Variants in SERGEF observed in about 807,000 individuals in gnomAD.
SERGEF encodes secretion regulating guanine nucleotide exchange factor, also known as secretion-regulating guanine nucleotide exchange factor.
A neutral mutation model predicts 50.0 loss-of-function variants in SERGEF; 51 were observed. The ratio of observed to expected loss-of-function variants is 1.02; its 90% CI spans 0.81 to 1.29. The LOEUF is 1.29. Among genes scored for constraint, SERGEF ranks in the 50% most tolerant of loss-of-function variants. SERGEF has a pLI of 0.00. For synonymous variants in SERGEF, 205 were observed against 212.4 expected, an observed-to-expected ratio of 0.97 and a Z score of 0.30; for missense variants, 521 against 557.0, an observed-to-expected ratio of 0.94 and a Z score of 0.65.
intron 9 of SERGEF, among the ~76,000 whole-genome samples, chr11:17,907,236 G>T (rs1851864591): frequency 6.6e-6 from 1 of 150,670 alleles, no homozygotes; most frequent in South Asian, 2.1e-4. Flanking sequence ...TCCCCATTCT[G>T]GTCCCAGTTC....
intron 9 of SERGEF, among the ~76,000 whole-genome samples, chr11:17,920,523 A>T (rs911184295): frequency 1.3e-5 from 2 of 152,214 alleles, no homozygotes; most frequent in Non-Finnish European, 2.9e-5. Context: ...CATTTTATAG[A>T]TGAGAAAACT....
intron 9 of SERGEF, among the ~76,000 whole-genome samples, chr11:17,943,819 TTG>T (rs1852604486): frequency 6.6e-6 from 1 of 152,230 alleles, no homozygotes; most frequent in Non-Finnish European, 1.5e-5. Flanking sequence ...TAGATAAAAG[TTG>T]AAAGAACCAC....
intron 9 of SERGEF, among the ~76,000 whole-genome samples, chr11:17,940,594 C>T (rs1286611839): frequency 1.3e-5 from 2 of 152,118 alleles, no homozygotes; most frequent in East Asian, 1.9e-4. Context: ...GTCTTTTTTT[C>T]TCTCTCTCTC....
chr11:17,880,309 C>A (rs1468677930), intron 9 of SERGEF, among the ~76,000 whole-genome samples: 1 of 152,192 alleles, frequency 6.6e-6, no homozygotes, highest in African/African-American at 2.4e-5. Flanking sequence ...TATATGCTTC[C>A]TGGCTGTAAT....
chr11:17,900,913 A>C (rs1269787258), intron 9 of SERGEF, among the ~76,000 whole-genome samples: 1 of 152,182 alleles, frequency 6.6e-6, no homozygotes, highest in Non-Finnish European at 1.5e-5. Context: ...AGAGAAGGGG[A>C]CCAGGAATGG....
At chr11:17,945,764 T>C (rs185179713) in intron 9 of SERGEF, among the ~76,000 whole-genome samples, 6 of 152,104 alleles carry the variant, frequency 3.9e-5, no homozygotes, top group African/African-American at 1.4e-4. Flanking sequence ...CTGACCAACA[T>C]GGAGAAACCC....
At chr11:17,922,766 G>A (rs530228522) in intron 9 of SERGEF, among the ~76,000 whole-genome samples, 2 of 152,194 alleles carry the variant, frequency 1.3e-5, no homozygotes, top group South Asian at 4.2e-4. Context: ...TAGATTCATG[G>A]GGTTTCTGTG....
chr11:17,799,898 G>A (rs1396841984), intron 10 of SERGEF, among the ~76,000 whole-genome samples: 2 of 152,212 alleles, frequency 1.3e-5, no homozygotes, highest in Admixed American at 6.5e-5. Context: ...CCCAAGTGCT[G>A]GGTTAGAGAG....
rs1853740413 is a variant in SERGEF at position 17,992,645 on chromosome 11, T to C, written c.685+286A>G. On this transcript the variant is annotated intron_variant, in intron 7 of 10. Transcript: ENST00000265965. ...GAGGAAGACATTATTATCCTTATTGTATAGTTAAGAAAGCAAACTCAGACG... is the reference window on the plus strand; with the variant it reads ...GAGGAAGACATTATTATCCTTATTGCATAGTTAAGAAAGCAAACTCAGACG... Among the ~76,000 whole-genome samples the C allele has an allele frequency of 3.3e-5, 5 of 152,336 alleles. No homozygotes were observed. In the South Asian group the frequency reaches 1.0e-3, roughly 32 times the overall value.
intron 9 of SERGEF, among the ~76,000 whole-genome samples, chr11:17,912,627 C>T (rs555449857): frequency 2.6e-5 from 4 of 152,246 alleles, no homozygotes; most frequent in South Asian, 4.2e-4. Context: ...TTTTAATCTT[C>T]GAATAATCCT....
intron 10 of SERGEF, among the ~76,000 whole-genome samples, chr11:17,800,173 A>AT (rs1849643216): frequency 6.6e-6 from 1 of 152,088 alleles, no homozygotes; most frequent in Admixed American, 6.5e-5. Flanking sequence ...TAAATAGACT[A>AT]TTTTTTAAGA....
At chr11:17,919,640 G>A (rs1266753596) in intron 9 of SERGEF, among the ~76,000 whole-genome samples, 1 of 152,066 alleles carries the variant, frequency 6.6e-6, no homozygotes, top group Non-Finnish European at 1.5e-5. Flanking sequence ...TTATCTCCCT[G>A]AACTCATCCT....
At chr11:17,922,680 C>A (rs577158156) in intron 9 of SERGEF, among the ~76,000 whole-genome samples, 1 of 152,216 alleles carries the variant, frequency 6.6e-6, no homozygotes, top group South Asian at 2.1e-4. Flanking sequence ...TGGAATCATA[C>A]CTGGCTTCAA....
At position 17,884,728 on chromosome 11, in the gene SERGEF, T is replaced by C. The variant is rs1188578421; in HGVS notation, c.1012-6484A>G. On this transcript the variant is annotated intron_variant, in intron 9 of 10. Coordinates refer to ENST00000265965, the MANE Select transcript of SERGEF (RefSeq NM_012139.4). This position sits in a 1 kb window ranked among gnomAD's most constrained non-coding sequence, Gnocchi z 4.6. ...GTATTTTATTTCATATATATGTGTA[T>C]ATGTTATATATACATTTTTAAAAAA... 6.6e-6 allele frequency among the ~76,000 whole-genome samples: 1 copy of C among 152,172 alleles called. No individual in the cohort carries two copies. The highest frequency in any genetic ancestry group is 1.5e-5 in the Non-Finnish European group (1 of 68,026).
In SERGEF at chr11:17,988,662, T is replaced by C. The variant is rs1158372045; in HGVS notation, c.779A>G (p.His260Arg). ...FLPVPQKIEAHCFQNEKVTAI... is the reference protein window; with the variant it reads ...FLPVPQKIEARCFQNEKVTAI... ...AGTGACCTTTTCATTCTGGAAACAA[T>C]GTGCTTCTATTTTCTGGGGCACAGG... Residue 260 changes from histidine to arginine, a missense_variant, in exon 8 of 11, where the codon CAT (histidine) becomes CGT (arginine). Physicochemically the swap from His to Arg is conservative, Grantham distance 29 (BLOSUM62 0). Transcript: ENST00000265965. 6.2e-7 allele frequency: 1 copy of C among 1,614,194 alleles called. No individual in the cohort carries two copies. The highest frequency in any genetic ancestry group is 1.7e-4 in the Middle Eastern group (1 of 6,056).
intron 10 of SERGEF, among the ~76,000 whole-genome samples, chr11:17,815,879 G>A (rs1203719394): frequency 1.3e-5 from 2 of 152,110 alleles, no homozygotes; most frequent in East Asian, 1.9e-4. Flanking sequence ...CCCAGATTGC[G>A]CCACTGCACT....
chr11:17,802,555 A>G (rs1849690612), intron 10 of SERGEF, among the ~76,000 whole-genome samples: 1 of 152,222 alleles, frequency 6.6e-6, no homozygotes, highest in Non-Finnish European at 1.5e-5. Context: ...GTCCTATACC[A>G]TCTGATCCCA....
At chr11:17,891,370 A>C (rs534186706) in intron 9 of SERGEF, among the ~76,000 whole-genome samples, 3 of 152,200 alleles carry the variant, frequency 2.0e-5, no homozygotes, top group African/African-American at 7.2e-5. Flanking sequence ...CCTGGGCTGC[A>C]TTACATTTTT....
At chr11:17,914,706 G>C (rs1852015839) in intron 9 of SERGEF, among the ~76,000 whole-genome samples, 1 of 152,170 alleles carries the variant, frequency 6.6e-6, no homozygotes, top group South Asian at 2.1e-4. Context: ...TCCTCTCACT[G>C]AGCTCCCATA....
Sources: gnomAD v4.1 joint callset for allele counts (sites outside exome capture counted in the v4.1 genomes callset) on GRCh38, gnomAD v4.1.1 for gene constraint, Gnocchi (gnomAD v3.1) non-coding constraint, MANE v1.5 for transcripts, NCBI Gene and HGNC (gene_info 2026-07-23, HGNC 2026-07-21) for gene names.